PRLR: variants seen among roughly 807,000 people sequenced by gnomAD.
PRLR encodes the protein hPRL receptor.
In PRLR, 13 loss-of-function variants were observed where a neutral mutation model predicts 40.2. The observed-to-expected ratio is 0.32, with a 90% confidence interval of 0.21 to 0.51. The LOEUF (loss-of-function observed/expected upper bound fraction) is 0.51. PRLR is among the 20% of genes least tolerant of loss of function. The pLI, the probability that PRLR is intolerant of heterozygous loss-of-function variation, is 0.97. For missense variants in PRLR, 656 were observed against 747.3 expected (o/e 0.88, Z 1.42); for synonymous variants, 269 against 278.7 (o/e 0.97, Z 0.35).
intron 2 of PRLR, among the ~76,000 whole-genome samples, chr5:35,104,615 G>T (rs754451805): frequency 1.3e-5 from 2 of 152,098 alleles, no homozygotes; most frequent in Non-Finnish European, 2.9e-5. Context: ...ACGGAGCCTC[G>T]CTCACTGCTA....
chr5:35,079,510 G>T (rs1190969063), intron 5 of PRLR, among the ~76,000 whole-genome samples: 1 of 152,090 alleles, frequency 6.6e-6, no homozygotes, highest in South Asian at 2.1e-4. Context: ...GGGATGTGAA[G>T]GACCTCTTCA....
rs935202332 is a variant in PRLR, at chr5:35,186,180, C to A, written c.-106+44088G>T. On this transcript the variant is annotated intron_variant, in intron 1 of 9. Transcript: ENST00000618457. The stretch of plus-strand genomic sequence containing the variant: ...GGAATGGAAAATATCTCACTAATAA[C>A]TATATTATCACACATTGAAAGGACA... Among the ~76,000 whole-genome samples, 2 of 152,062 alleles carry A rather than the reference C, an allele frequency of 1.3e-5. 1 individual carries two copies. The highest frequency in any genetic ancestry group is 3.9e-4 in the East Asian group (2 of 5,188).
chr5:35,120,399 T>C (rs574088949), intron 1 of PRLR, among the ~76,000 whole-genome samples: 1 of 152,290 alleles, frequency 6.6e-6, no homozygotes, highest in Non-Finnish European at 1.5e-5. Flanking sequence ...CGTGCCATCC[T>C]TTTTCTGTCT....
intron 2 of PRLR, among the ~76,000 whole-genome samples, chr5:35,097,488 G>A (rs1299341845): frequency 2.0e-5 from 3 of 152,162 alleles, no homozygotes; most frequent in African/African-American, 7.2e-5. Flanking sequence ...GGATATGGAG[G>A]AAGAGGAACT....
intron 3 of PRLR, among the ~76,000 whole-genome samples, 174 bp from the exon 4 acceptor site, chr5:35,086,514 T>TG (rs915412932): frequency 1.1e-4 from 16 of 152,270 alleles, no homozygotes; most frequent in African/African-American, 3.6e-4. Context: ...AACACTCCTC[T>TG]GTGGGCTGCC....
chr5:35,095,685 T>C (rs960224846), intron 2 of PRLR, among the ~76,000 whole-genome samples: 1 of 152,262 alleles, frequency 6.6e-6, no homozygotes, highest in Non-Finnish European at 1.5e-5. Flanking sequence ...CACTTGCTCG[T>C]GTGGTCATTC....
chr5:35,173,577 AAACCTTGCCCTCCTCC>A (rs1368029134), intron 1 of PRLR, among the ~76,000 whole-genome samples: 5 of 152,174 alleles, frequency 3.3e-5, no homozygotes, highest in African/African-American at 1.2e-4. Flanking sequence ...ACAAAATGCA[AAACCTTGCCCTCCTCC>A]AAGGCCTCTG....
chr5:35,147,764 A>G (rs1774220815), intron 1 of PRLR, among the ~76,000 whole-genome samples: 1 of 152,214 alleles, frequency 6.6e-6, no homozygotes, highest in Non-Finnish European at 1.5e-5. Context: ...AATATATTCT[A>G]GTGCTCAAGA....
intron 5 of PRLR, among the ~76,000 whole-genome samples, chr5:35,077,188 C>T (rs1288952037): frequency 6.6e-6 from 1 of 152,114 alleles, no homozygotes; most frequent in Non-Finnish European, 1.5e-5. Context: ...CAAATTCACA[C>T]AAAACAACAT....
At chr5:35,139,323 C>T (rs1773947010) in intron 1 of PRLR, among the ~76,000 whole-genome samples, 1 of 151,972 alleles carries the variant, frequency 6.6e-6, no homozygotes, top group African/African-American at 2.4e-5. Context: ...TTAGTAGAGA[C>T]AGGGTTTCAC....
intron 1 of PRLR, among the ~76,000 whole-genome samples, chr5:35,186,747 C>A (rs1178594194): frequency 6.6e-6 from 1 of 152,140 alleles, no homozygotes; most frequent in Non-Finnish European, 1.5e-5. Flanking sequence ...TTTTGCTCCA[C>A]CCTTGATTAA....
At chr5:35,081,279 G>A in intron 5 of PRLR, 2 of 163,326 alleles carry the variant, frequency 1.2e-5, no homozygotes, top group Non-Finnish European at 2.7e-5. Context: ...GCCCCTCTGG[G>A]AAACTGTGGT....
chr5:35,123,348 C>A (rs1773352538), intron 1 of PRLR, among the ~76,000 whole-genome samples: 1 of 152,140 alleles, frequency 6.6e-6, no homozygotes, highest in South Asian at 2.1e-4. Flanking sequence ...TTCATAAGTA[C>A]ACTTTGAGAA....
At chr5:35,192,516 G>A (rs972667179) in intron 1 of PRLR, among the ~76,000 whole-genome samples, 1 of 152,162 alleles carries the variant, frequency 6.6e-6, no homozygotes, top group African/African-American at 2.4e-5. Context: ...TGGAAAGTCA[G>A]GGAGAAAAAG....
At chr5:35,168,111 A>T (rs760458270) in intron 1 of PRLR, among the ~76,000 whole-genome samples, 6 of 152,064 alleles carry the variant, frequency 3.9e-5, no homozygotes, top group Non-Finnish European at 8.8e-5. Flanking sequence ...AAATACTATT[A>T]AATATAAAAA....
rs190568507 is a variant in PRLR at position 35,207,148 on chromosome 5, C to A, written c.-106+23120G>T. Among the ~76,000 whole-genome samples the A allele has an allele frequency of 2.5e-3, 374 of 152,174 alleles. 1 individual carries two copies. Among genetic ancestry groups the A allele is most frequent in the African/African-American group, 8.5e-3 (355 of 41,562 alleles). On this transcript the variant is annotated intron_variant, in intron 1 of 9. Coordinates refer to ENST00000618457, the MANE Select transcript of PRLR (RefSeq NM_000949.7). ...ATTAAGACAGGACGCTCACTATTAT[C>A]ATTGTTATTTAGTATTAGAAGTTAC...
chr5:35,058,944 G>A lies in PRLR; in HGVS notation c.*6145C>T, dbSNP rs1768879389. On this transcript the variant is annotated 3_prime_UTR_variant, in exon 10 of 10. Coordinates refer to ENST00000618457, the MANE Select transcript of PRLR (RefSeq NM_000949.7). ...GAAGGACATTAGGACACAAAAGGGA[G>A]GTAGTTACTTTAAAAAATTCAAAAT... is the stretch of plus-strand genomic sequence containing the variant. 6.6e-6 allele frequency: 1 copy of A among 152,014 alleles called. No homozygotes were observed. The highest frequency in any genetic ancestry group is 2.4e-5 in the African/African-American group (1 of 41,392). The allele number at this position is 152,014 out of a possible 1,614,324, so 9.4% of individuals were successfully genotyped here. A position where few individuals can be genotyped will look rare whatever the true frequency, so the allele number is the denominator to read the frequency against.
At chr5:35,229,276 T>A (rs922011734) in intron 1 of PRLR, among the ~76,000 whole-genome samples, 28 of 151,962 alleles carry the variant, frequency 1.8e-4, no homozygotes, top group Admixed American at 3.3e-4. Flanking sequence ...AAGCACGATT[T>A]CAGGTGGGAA....
chr5:35,084,380 T>C (rs940087389), intron 5 of PRLR, 90 bp downstream of exon 5: 86 of 1,291,242 alleles, frequency 6.7e-5, no homozygotes, highest in Non-Finnish European at 8.7e-5. Flanking sequence ...TGGGGATCCA[T>C]CCAAAACCCA....
Sources: allele counts gnomAD v4.1 joint callset (sites outside exome capture counted in the v4.1 genomes callset), GRCh38; gene constraint gnomAD v4.1.1; transcripts MANE v1.5; gene names NCBI Gene and HGNC (gene_info 2026-07-23, HGNC 2026-07-21).